The following SEH1L variants were observed in gnomAD, a reference collection of about 807,000 sequenced individuals.
SEH1L encodes the protein nucleoporin SEH1.
Under a neutral mutation model 49.5 loss-of-function variants are expected in SEH1L, and 18 were observed. The observed-to-expected ratio is 0.36, with a 90% CI of 0.25 to 0.54. The LOEUF (loss-of-function observed/expected upper bound fraction) is 0.54. SEH1L is among the 20% of genes least tolerant of loss of function. The pLI is 0.87. For synonymous variants in SEH1L, 169 were observed against 178.1 expected (o/e 0.95, Z 0.41); for missense variants, 404 against 528.8 (o/e 0.76, Z 2.31).
chr18:12,980,414 G>C (rs1345330845), intron 6 of SEH1L, among the ~76,000 whole-genome samples: 2 of 85,430 alleles, frequency 2.3e-5, no homozygotes, highest in Admixed American at 1.0e-4. Flanking sequence ...CTGGCCGGGC[G>C]GGGGGCTGAC....
In SEH1L at chr18:12,951,477, G is replaced by A. The variant is rs565641187; in HGVS notation, c.112-378G>A. ...GTGATGTCAGCTCACTGCGACCTCC[G>A]CCTCTGGGGTTCAAACGATTGTCTT... is the stretch of plus-strand genomic sequence containing the variant. On this transcript the variant is annotated intron_variant, in intron 1 of 8. Transcript: ENST00000399892. Among the ~76,000 whole-genome samples, 11 of 152,250 alleles carry A rather than the reference G, an allele frequency of 7.2e-5. 1 individual carries two copies. In the South Asian group the frequency reaches 1.0e-3, roughly 14 times the overall value.
chr18:12,964,264 C>A (rs1282769645), intron 4 of SEH1L, among the ~76,000 whole-genome samples: 1 of 152,090 alleles, frequency 6.6e-6, no homozygotes. Context: ...AGTTCCTTTA[C>A]CCCCTAAAAA....
chr18:12,950,888 G>A (rs915529773), intron 1 of SEH1L, among the ~76,000 whole-genome samples: 1 of 151,646 alleles, frequency 6.6e-6, no homozygotes. Context: ...GGCTATTCAC[G>A]GGCGTGATCA....
intron 3 of SEH1L, among the ~76,000 whole-genome samples, chr18:12,956,712 G>A (rs2030883890): frequency 6.7e-6 from 1 of 148,776 alleles, no homozygotes; most frequent in South Asian, 2.2e-4. Flanking sequence ...ACTAATAAAA[G>A]AAAAATCTAG....
At chr18:12,957,066 C>G in intron 3 of SEH1L, among the ~76,000 whole-genome samples, 1 of 140,336 alleles carries the variant, frequency 7.1e-6, no homozygotes, top group South Asian at 2.2e-4. Flanking sequence ...AGACTTGTCT[C>G]AAAAAAAAAA....
intron 5 of SEH1L, 64 bp from the exon 6 acceptor site, chr18:12,978,688 A>G: frequency 7.4e-7 from 1 of 1,359,006 alleles, no homozygotes; most frequent in Non-Finnish European, 1.0e-6. Context: ...GGTGAGATGC[A>G]GTGATGTGTG....
intron 8 of SEH1L, chr18:12,985,603 A>C (rs2032430076): frequency 9.6e-7 from 1 of 1,038,308 alleles, no homozygotes; most frequent in Non-Finnish European, 1.2e-6. Flanking sequence ...GGAGGGGAAT[A>C]CCACTTTAGT....
Position 12,963,330 on chromosome 18 carries a change from A to G in SEH1L, c.480A>G (p.Ser160=), listed in dbSNP as rs762748807. ...LSQWSLQHEI[S]CKLSCSCISW... is the part of the protein sequence containing the mutation. ...AGTGGTCTTTGCAGCATGAGATCTC[A>G]TGTAAGCTAAGCTGTAGTTGTATTT... The change falls in exon 4 of 9, where the codon TCA becomes TCG. Residue 160 remains serine (S), a synonymous_variant. Coordinates refer to ENST00000399892, the MANE Select transcript of SEH1L (RefSeq NM_001013437.2). 37 of 1,613,870 alleles carry G rather than the reference A, an allele frequency of 2.3e-5. No homozygotes were observed. The Admixed American group carries it at 2.7e-4, about 12-fold the overall frequency.
chr18:12,959,873 G>A (rs2031089210), intron 3 of SEH1L, among the ~76,000 whole-genome samples: 1 of 152,166 alleles, frequency 6.6e-6, no homozygotes, highest in Non-Finnish European at 1.5e-5. Flanking sequence ...CCAATGTGGA[G>A]CTGAGAGCAA....
intron 3 of SEH1L, among the ~76,000 whole-genome samples, chr18:12,960,581 C>G (rs1028124947): frequency 2.6e-5 from 4 of 152,174 alleles, no homozygotes; most frequent in African/African-American, 4.8e-5. Context: ...AGGAGTATGT[C>G]TGATTGCCTT....
intron 5 of SEH1L, chr18:12,971,640 A>AAAAAAAAG (rs1405492977): frequency 6.4e-6 from 1 of 155,236 alleles, no homozygotes; most frequent in Non-Finnish European, 1.4e-5. Context: ...GCCTCAAAAA[A>AAAAAAAAG]AAAAAGAGGA....
At chr18:12,981,850 A>ATTTTTATTTTTAT (rs1463077173) in intron 6 of SEH1L, among the ~76,000 whole-genome samples, 1 of 88,184 alleles carries the variant, frequency 1.1e-5, no homozygotes, top group Admixed American at 1.3e-4. Context: ...TGCCCTGCCC[A>ATTTTTATTTTTAT]TTTTTTTTTT....
rs1373847439 is a variant in SEH1L, at chr18:12,978,808, C to T, written c.677C>T (p.Ala226Val). 2 of 1,613,472 alleles carry T rather than the reference C, an allele frequency of 1.2e-6. No homozygotes were observed. Among genetic ancestry groups the T allele is most frequent in the Non-Finnish European group, 1.7e-6 (2 of 1,179,528 alleles). ...GTCACTGATCCTGTTCATGATATTG[C>T]ATTCGCTCCAAATTTGGGAAGATCT... ...MTVTDPVHDI[A>V]FAPNLGRSFH... The change falls in exon 6 of 9, where the codon GCA becomes GTA. Residue 226 changes from alanine (A) to valine (V), a missense_variant. This residue lies in a region of SEH1L where 342 missense variants were observed against 430.8 expected (regional missense o/e 0.79). Transcript: ENST00000399892.
intron 4 of SEH1L, among the ~76,000 whole-genome samples, chr18:12,967,779 T>C (rs2031516804): frequency 6.6e-6 from 1 of 152,044 alleles, no homozygotes; most frequent in South Asian, 2.1e-4. Context: ...ATGGGCGTGG[T>C]GGTGTGCGCC....
chr18:12,956,065 G>C (rs1598944503), intron 3 of SEH1L, among the ~76,000 whole-genome samples: 1 of 135,678 alleles, frequency 7.4e-6, no homozygotes, highest in East Asian at 2.2e-4. Context: ...TTTTTTTTTA[G>C]ACGGAGTCTC....
At chr18:12,952,784 CTTT>C (rs1259704216) in intron 2 of SEH1L, among the ~76,000 whole-genome samples, 3 of 94,510 alleles carry the variant, frequency 3.2e-5, no homozygotes. Context: ...CTCTTCTTTT[CTTT>C]TTTTTTTTTT....
chr18:12,974,974 C>G (rs1037206770), intron 5 of SEH1L, among the ~76,000 whole-genome samples: 6 of 151,202 alleles, frequency 4.0e-5, no homozygotes, highest in African/African-American at 1.5e-4. Context: ...TTTAGATAAC[C>G]TTAATTATTT....
In SEH1L at chr18:12,978,818, A is replaced by G. The variant is rs489221; in HGVS notation, c.687A>G (p.Pro229=). ...CTGTTCATGATATTGCATTCGCTCC[A>G]AATTTGGGAAGATCTTTCCATATTC... ...TDPVHDIAFA[P]NLGRSFHILA... is the part of the protein sequence containing the mutation. Residue 229 remains proline, a synonymous_variant, in exon 6 of 9, where the codon CCA becomes CCG. Transcript: ENST00000399892. 1.5e-5 allele frequency: 24 copies of G among 1,613,884 alleles called. No homozygotes were observed. Among genetic ancestry groups the G allele is most frequent in the Non-Finnish European group, 1.8e-5 (21 of 1,179,880 alleles).
chr18:12,954,621 C>T (rs2030744254), intron 2 of SEH1L, among the ~76,000 whole-genome samples: 1 of 151,924 alleles, frequency 6.6e-6, no homozygotes, highest in Non-Finnish European at 1.5e-5. Context: ...TGCATACCAC[C>T]ACACCTGACT....
Sources: allele counts gnomAD v4.1 joint callset (sites outside exome capture counted in the v4.1 genomes callset), GRCh38; gene constraint gnomAD v4.1.1; regional missense constraint gnomAD v4.1.1; transcripts MANE v1.5; gene names NCBI Gene and HGNC (gene_info 2026-07-23, HGNC 2026-07-21).